GPC3: variants seen among roughly 807,000 people sequenced by gnomAD.
The protein encoded by GPC3 is glypican 3, also known as glypican-3.
Under a neutral mutation model 34.4 loss-of-function variants are expected in GPC3, and 3 were observed. That is an observed-to-expected ratio of 0.09 (90% CI 0.04 to 0.23). The LOEUF is 0.23. Ranked by LOEUF, GPC3 falls within the 10% of genes least tolerant of loss-of-function variation. The pLI, the probability that GPC3 is intolerant of heterozygous loss-of-function variation, is 1.00. For synonymous variants in GPC3, 177 were observed against 174.0 expected, an observed-to-expected ratio of 1.02 and a Z score of -0.13; for missense variants, 351 against 445.6, an observed-to-expected ratio of 0.79 and a Z score of 1.91.
intron 2 of GPC3, among the ~76,000 whole-genome samples, chrX:133,851,075 C>A (rs976915773): frequency 9.0e-6 from 1 of 111,528 alleles, no homozygotes; most frequent in Non-Finnish European, 1.9e-5. Context: ...TGCACTTCAG[C>A]CTGGGTGACA....
chrX:133,777,148 G>A (rs754704818), intron 2 of GPC3, among the ~76,000 whole-genome samples: 39 of 110,406 alleles, frequency 3.5e-4, no homozygotes, highest in Non-Finnish European at 6.1e-4. Flanking sequence ...CAAAGACGTC[G>A]TTTCTTTCTT....
intron 5 of GPC3, among the ~76,000 whole-genome samples, chrX:133,686,768 A>AACACACAC (rs762283767): frequency 6.7e-4 from 66 of 98,039 alleles, no homozygotes; most frequent in Admixed American, 6.1e-3. Context: ...ATTTTACCTC[A>AACACACAC]ACACACACAC....
At chrX:133,915,599 A>C (rs1271606754) in intron 2 of GPC3, among the ~76,000 whole-genome samples, 1 of 112,611 alleles carries the variant, frequency 8.9e-6, no homozygotes, top group Non-Finnish European at 1.9e-5. Flanking sequence ...TCATGCATTT[A>C]ACTCCCCATC....
chrX:133,564,158 T>C (rs1335393655), intron 7 of GPC3, among the ~76,000 whole-genome samples: 1 of 111,593 alleles, frequency 9.0e-6, no homozygotes, highest in Non-Finnish European at 1.9e-5. Context: ...GTGATATGGA[T>C]CTGTACCCAC....
At position 133,758,092 on chromosome X, in the gene GPC3, C is replaced by G. The variant is rs1020644636; in HGVS notation, c.338-3916G>C. On this transcript the variant is annotated intron_variant, in intron 2 of 7. Transcript: ENST00000370818. ...GTGGAGAAACAGGAAGGCATTTACACTGTTGGTGAGAATGTAAATAAGTTC... is the reference window on the plus strand; with the variant it reads ...GTGGAGAAACAGGAAGGCATTTACAGTGTTGGTGAGAATGTAAATAAGTTC... 6.3e-5 allele frequency among the ~76,000 whole-genome samples: 7 copies of G among 111,966 alleles called. 1 individual carries two copies. Among genetic ancestry groups the G allele is most frequent in the Admixed American group, 9.5e-5 (1 of 10,555 alleles).
chrX:133,812,687 G>A (rs2075671398), intron 2 of GPC3, among the ~76,000 whole-genome samples: 1 of 112,295 alleles, frequency 8.9e-6, no homozygotes, highest in African/African-American at 3.2e-5. Flanking sequence ...ATGTGTGCCT[G>A]TTTTCTTAAA....
chrX:133,837,285 G>A (rs998870515), intron 2 of GPC3, among the ~76,000 whole-genome samples: 3 of 111,173 alleles, frequency 2.7e-5, no homozygotes, highest in African/African-American at 9.8e-5. Flanking sequence ...TCTCTGATAC[G>A]AGTCTTGTGT....
chrX:133,958,383 A>G (rs1602561911), intron 1 of GPC3, among the ~76,000 whole-genome samples: 2 of 108,917 alleles, frequency 1.8e-5, no homozygotes, highest in African/African-American at 6.7e-5. Flanking sequence ...TCTATAAAAA[A>G]ATTTTTTTTT....
intron 2 of GPC3, among the ~76,000 whole-genome samples, chrX:133,906,133 T>A (rs1468364538): frequency 9.0e-6 from 1 of 111,410 alleles, no homozygotes; most frequent in Non-Finnish European, 1.9e-5. Context: ...ACCCACAACA[T>A]CACGGACAAA....
At position 133,675,893 on chromosome X, in the gene GPC3, T is replaced by C. The variant is rs149804921; in HGVS notation, c.1293-14043A>G. ...GTTCTCAGCCACAGAACTTTAGTTG[T>C]TGGAGGTCCTGAATTTTCCAATGTT... On this transcript the variant is annotated intron_variant, in intron 5 of 7. Transcript: ENST00000370818. Among the ~76,000 whole-genome samples, 531 of 112,658 alleles carry C rather than the reference T, an allele frequency of 4.7e-3. 4 individuals carry two copies. The highest frequency in any genetic ancestry group is 0.016 in the African/African-American group (505 of 31,055).
intron 2 of GPC3, among the ~76,000 whole-genome samples, chrX:133,755,718 T>C (rs2071720945): frequency 9.0e-6 from 1 of 111,559 alleles, no homozygotes; most frequent in Admixed American, 9.5e-5. Context: ...TCACTTGGTT[T>C]TTTTGTTTGT....
At chrX:133,707,179 G>A (rs888535993) in intron 3 of GPC3, among the ~76,000 whole-genome samples, 3 of 110,991 alleles carry the variant, frequency 2.7e-5, no homozygotes, top group Non-Finnish European at 5.7e-5. Context: ...CATAAAGATG[G>A]GAATCACAGA....
At chrX:133,542,953 G>A (rs2069354307) in intron 7 of GPC3, among the ~76,000 whole-genome samples, 1 of 111,701 alleles carries the variant, frequency 9.0e-6, no homozygotes, top group African/African-American at 3.3e-5. Context: ...TTTTAGATGT[G>A]AAATGACTAG....
At chrX:133,566,304 G>T (rs1271704825) in intron 7 of GPC3, among the ~76,000 whole-genome samples, 1 of 111,677 alleles carries the variant, frequency 9.0e-6, no homozygotes, top group East Asian at 2.8e-4. Flanking sequence ...GGAGCCAGGG[G>T]AGGGAGTGAT....
chrX:133,766,097 C>T (rs1206075189), intron 2 of GPC3, among the ~76,000 whole-genome samples: 1 of 111,674 alleles, frequency 9.0e-6, no homozygotes, highest in African/African-American at 3.3e-5. Flanking sequence ...CCCTTGGTGA[C>T]TCATACCACA....
chrX:133,624,681 C>CA (rs1054334712), intron 6 of GPC3, among the ~76,000 whole-genome samples: 3 of 110,204 alleles, frequency 2.7e-5, no homozygotes, highest in Middle Eastern at 4.6e-3. Flanking sequence ...GCCTACCAAC[C>CA]AAAAAAAAGT....
At chrX:133,609,039 C>T (rs746307704) in intron 6 of GPC3, among the ~76,000 whole-genome samples, 3 of 111,707 alleles carry the variant, frequency 2.7e-5, no homozygotes, top group South Asian at 3.8e-4. Context: ...TAATCATACA[C>T]CTTTACAGGC....
chrX:133,601,130 T>TTTTA (rs2069976269), intron 6 of GPC3, among the ~76,000 whole-genome samples: 1 of 112,115 alleles, frequency 8.9e-6, no homozygotes, highest in African/African-American at 3.2e-5. Context: ...CTACTGTCTG[T>TTTTA]GCAACTCTGT....
chrX:133,856,687 GT>G (rs1265644246), intron 2 of GPC3, among the ~76,000 whole-genome samples: 1 of 111,916 alleles, frequency 8.9e-6, no homozygotes, highest in African/African-American at 3.2e-5. Context: ...TTATGTTATG[GT>G]TTCCATATTT....
Sources: allele counts gnomAD v4.1 joint callset (sites outside exome capture counted in the v4.1 genomes callset), GRCh38; gene constraint gnomAD v4.1.1; transcripts MANE v1.5; gene names NCBI Gene and HGNC (gene_info 2026-07-23, HGNC 2026-07-21).